Variants in NFIB observed in about 807,000 individuals in gnomAD.
The protein encoded by NFIB is nuclear factor 1 B-type.
Under a neutral mutation model 61.5 loss-of-function variants are expected in NFIB, and 11 were observed. The ratio of observed to expected loss-of-function variants is 0.18; its 90% CI spans 0.11 to 0.30. The LOEUF is 0.30. NFIB is among the 10% of genes least tolerant of loss of function. NFIB has a pLI of 1.00. For missense variants in NFIB, 471 were observed against 608.9 expected (o/e 0.77, Z 2.38); for synonymous variants, 260 against 216.5 (o/e 1.20, Z -1.76).
chr9:14,328,017 A>C (rs947729078), intron 1 of NFIB, among the ~76,000 whole-genome samples: 1 of 152,220 alleles, frequency 6.6e-6, no homozygotes, highest in Non-Finnish European at 1.5e-5. Context: ...TTCTTTTACC[A>C]ACTTTTTGTT....
chr9:14,313,966 G>A lies in NFIB; in HGVS notation c.-455C>T. ...AAGGCGGGGAGGGGGGCGCGGGAGG[G>A]CGCAGGAGGGCGAGCGGGCGGGCGG... On this transcript the variant is annotated 5_prime_UTR_variant, in exon 1 of 11. Coordinates refer to ENST00000380953, the MANE Select transcript of NFIB (RefSeq NM_001190737.2). This position sits in a 1 kb window ranked among gnomAD's most constrained non-coding sequence, Gnocchi z 4.5. The A allele has an allele frequency of 3.0e-6, 3 of 1,009,126 alleles. No homozygotes were observed. The highest frequency in any genetic ancestry group is 2.4e-6 in the Non-Finnish European group (2 of 846,952). 62.5% of individuals were successfully genotyped at this position (1,009,126 alleles called of 1,614,324 possible).
intron 2 of NFIB, among the ~76,000 whole-genome samples, chr9:14,256,723 A>C (rs1031100670): frequency 6.6e-6 from 1 of 152,190 alleles, no homozygotes; most frequent in African/African-American, 2.4e-5. Flanking sequence ...CCAAAGTGAC[A>C]AGACCATTGG....
At chr9:14,262,791 T>C (rs774984956) in intron 2 of NFIB, among the ~76,000 whole-genome samples, 14 of 152,286 alleles carry the variant, frequency 9.2e-5, no homozygotes, top group Non-Finnish European at 1.3e-4. Context: ...TATTTGTTTG[T>C]TTGTTTTTTG....
At chr9:14,353,599 G>A (rs550484364) in intron 1 of NFIB, among the ~76,000 whole-genome samples, 1 of 152,224 alleles carries the variant, frequency 6.6e-6, no homozygotes, top group South Asian at 2.1e-4. Flanking sequence ...TTTTCTTGAC[G>A]GCCCAGTCTG....
intron 1 of NFIB, among the ~76,000 whole-genome samples, chr9:14,393,896 A>T (rs1471512505): frequency 6.6e-6 from 1 of 152,234 alleles, no homozygotes; most frequent in Non-Finnish European, 1.5e-5. Context: ...GGCCAGTTAC[A>T]GTATTTTTGG....
the NFIB span, among the ~76,000 whole-genome samples, chr9:14,480,398 C>T: frequency 6.6e-6 from 1 of 152,130 alleles, no homozygotes; most frequent in Non-Finnish European, 1.5e-5. Context: ...TATTCAGACT[C>T]CCCTCAAGAG....
chr9:14,090,133 G>C (rs1452969393), intron 10 of NFIB, among the ~76,000 whole-genome samples: 1 of 148,612 alleles, frequency 6.7e-6, no homozygotes, highest in Non-Finnish European at 1.5e-5. Context: ...AATATGTTGT[G>C]ATTTGATCCC....
chr9:14,344,442 T>C (rs1193473153), intron 1 of NFIB, among the ~76,000 whole-genome samples: 1 of 152,082 alleles, frequency 6.6e-6, no homozygotes, highest in Non-Finnish European at 1.5e-5. Context: ...TTTGTTTGTT[T>C]TGTTGTTTGG....
chr9:14,188,371 T>C (rs2047602995), intron 2 of NFIB, among the ~76,000 whole-genome samples: 2 of 152,112 alleles, frequency 1.3e-5, no homozygotes. Flanking sequence ...ATACATTAAA[T>C]GCACCAGCAT....
chr9:14,423,206 G>A, the NFIB span, among the ~76,000 whole-genome samples: 18 of 152,134 alleles, frequency 1.2e-4, no homozygotes, highest in East Asian at 2.9e-3. Flanking sequence ...TAATCAGATC[G>A]GGGCAAAACG....
chr9:14,138,845 T>C (rs1401001466), intron 6 of NFIB, among the ~76,000 whole-genome samples: 1 of 152,150 alleles, frequency 6.6e-6, no homozygotes, highest in African/African-American at 2.4e-5. Flanking sequence ...TCAGTTTATT[T>C]TAGTTGAAAA....
rs2050627782 is a variant in NFIB at position 14,214,338 on chromosome 9, C to G, written c.563-34558G>C. ...TCACATAGAGCCCCACTTACGTGGT[C>G]CCCATGCTTGGCTTCATGCTCTTCT... On this transcript the variant is annotated intron_variant, in intron 2 of 10. Coordinates refer to ENST00000380953, the MANE Select transcript of NFIB (RefSeq NM_001190737.2). Among the ~76,000 whole-genome samples the G allele has an allele frequency of 2.0e-5, 3 of 152,330 alleles. No individual in the cohort carries two copies. In the South Asian group the frequency reaches 6.2e-4, roughly 32 times the overall value.
intron 2 of NFIB, among the ~76,000 whole-genome samples, chr9:14,241,905 T>C (rs894504482): frequency 1.3e-5 from 2 of 152,234 alleles, no homozygotes; most frequent in South Asian, 2.1e-4. Flanking sequence ...CTCATGACTC[T>C]AGATTCTTTA....
At chr9:14,156,635 A>G (rs944251230) in intron 3 of NFIB, among the ~76,000 whole-genome samples, 2 of 152,186 alleles carry the variant, frequency 1.3e-5, no homozygotes, top group African/African-American at 2.4e-5. Context: ...CACAGTGGCC[A>G]TGGAGCCTGC....
At chr9:14,134,765 C>T (rs2040811095) in intron 6 of NFIB, among the ~76,000 whole-genome samples, 1 of 151,668 alleles carries the variant, frequency 6.6e-6, no homozygotes, top group South Asian at 2.1e-4. Flanking sequence ...GCCATGGTGG[C>T]GTGCATCTGT....
At chr9:14,520,934 A>G in the NFIB span, among the ~76,000 whole-genome samples, 1 of 152,222 alleles carries the variant, frequency 6.6e-6, no homozygotes, top group Non-Finnish European at 1.5e-5. Flanking sequence ...GTCAGGACTC[A>G]GAGGTTAAAT....
intron 3 of NFIB, among the ~76,000 whole-genome samples, chr9:14,173,550 G>A (rs937468404): frequency 3.3e-5 from 5 of 152,074 alleles, no homozygotes; most frequent in Admixed American, 2.0e-4. Flanking sequence ...GTATCTAGCC[G>A]AGTGTGATGC....
chr9:14,157,217 G>A (rs548134987), intron 3 of NFIB, among the ~76,000 whole-genome samples: 1 of 152,202 alleles, frequency 6.6e-6, no homozygotes, highest in East Asian at 1.9e-4. Flanking sequence ...GCTATATACC[G>A]AATTACGCAC....
At chr9:14,497,323 T>G in the NFIB span, among the ~76,000 whole-genome samples, 1 of 152,228 alleles carries the variant, frequency 6.6e-6, no homozygotes, top group South Asian at 2.1e-4. Context: ...GGCTCATATG[T>G]GTAAATAAAA....
Sources: allele counts gnomAD v4.1 joint callset (sites outside exome capture counted in the v4.1 genomes callset), GRCh38; gene constraint gnomAD v4.1.1; non-coding constraint Gnocchi (gnomAD v3.1); transcripts MANE v1.5; gene names NCBI Gene and HGNC (gene_info 2026-07-23, HGNC 2026-07-21).